The following MACROD2 variants were observed in gnomAD, a reference collection of about 807,000 sequenced individuals.
MACROD2 encodes mono-ADP ribosylhydrolase 2, also known as ADP-ribose glycohydrolase MACROD2.
Under a neutral mutation model 70.4 loss-of-function variants are expected in MACROD2, and 36 were observed. The ratio of observed to expected loss-of-function variants is 0.51; its 90% CI spans 0.39 to 0.68. The LOEUF is 0.68. MACROD2 is among the 30% of genes least tolerant of loss of function. MACROD2 has a pLI of 0.00. For missense variants in MACROD2, 496 were observed against 538.4 expected, an observed-to-expected ratio of 0.92 and a Z score of 0.78; for synonymous variants, 172 against 178.8, an observed-to-expected ratio of 0.96 and a Z score of 0.30.
chr20:14,584,197 G>A (rs1019013438), intron 4 of MACROD2, among the ~76,000 whole-genome samples: 2 of 152,032 alleles, frequency 1.3e-5, no homozygotes, highest in Non-Finnish European at 2.9e-5. Context: ...ACCCAGCAGC[G>A]TTTTGTTTAG....
chr20:14,093,075 A>T (rs1198246326), intron 3 of MACROD2, among the ~76,000 whole-genome samples: 2 of 151,698 alleles, frequency 1.3e-5, no homozygotes, highest in African/African-American at 4.8e-5. Context: ...TTTTAGTTTG[A>T]CTCTATTTTA....
At chr20:14,826,794 C>T (rs1214549308) in intron 5 of MACROD2, among the ~76,000 whole-genome samples, 1 of 152,040 alleles carries the variant, frequency 6.6e-6, no homozygotes, top group Non-Finnish European at 1.5e-5. Flanking sequence ...ACACAAGTTC[C>T]TACTGGTCTT....
intron 6 of MACROD2, among the ~76,000 whole-genome samples, chr20:15,421,369 ACTCTGT>A (rs146343591): frequency 0.31 from 46,907 of 151,674 alleles, 7,534 homozygotes; most frequent in African/African-American, 0.38. Flanking sequence ...ACAGAGTGAG[ACTCTGT>A]CTCAAAACCA....
intron 8 of MACROD2, among the ~76,000 whole-genome samples, chr20:15,579,386 A>G (rs1020944409): frequency 6.6e-6 from 1 of 152,210 alleles, no homozygotes; most frequent in Non-Finnish European, 1.5e-5. Context: ...TCAAGTGCTC[A>G]GAAGAACATC....
At chr20:14,376,855 A>G (rs1159422226) in intron 3 of MACROD2, among the ~76,000 whole-genome samples, 1 of 151,576 alleles carries the variant, frequency 6.6e-6, no homozygotes, top group East Asian at 1.9e-4. Flanking sequence ...TTCTCACATA[A>G]TAGCCATGTG....
chr20:15,979,497 G>A (rs1053805120), intron 13 of MACROD2, among the ~76,000 whole-genome samples: 18 of 152,076 alleles, frequency 1.2e-4, no homozygotes, highest in African/African-American at 4.3e-4. Context: ...CCTCTTTTAG[G>A]ACGAAGTAGA....
intron 8 of MACROD2, among the ~76,000 whole-genome samples, chr20:15,849,479 C>T (rs1434410377): frequency 3.3e-5 from 5 of 152,292 alleles, no homozygotes; most frequent in East Asian, 1.9e-4. Flanking sequence ...CCCGTTCCTT[C>T]GAGCATCGTG....
chr20:14,132,294 T>A lies in MACROD2; in HGVS notation c.271+46566T>A, dbSNP rs117939429. ...AACTGCTGGGCTCAAGCGATCCTCC[T>A]GCCTTGGCTTCCCAAAACATTGGGC... On this transcript the variant is annotated intron_variant, in intron 3 of 17. Coordinates refer to ENST00000684519, the MANE Select transcript of MACROD2 (RefSeq NM_001351661.2). 8.8e-3 allele frequency among the ~76,000 whole-genome samples: 1,335 copies of A among 152,238 alleles called. 17 individuals are homozygous for A. The highest frequency in any genetic ancestry group is 0.01 in the Middle Eastern group (3 of 294).
chr20:14,982,492 G>A (rs901890637), intron 5 of MACROD2, among the ~76,000 whole-genome samples: 4 of 152,116 alleles, frequency 2.6e-5, no homozygotes, highest in African/African-American at 9.7e-5. Flanking sequence ...AGGAAAAAAT[G>A]GTTTAATGGG....
chr20:14,036,286 C>T (rs2148636139), intron 2 of MACROD2, among the ~76,000 whole-genome samples: 1 of 152,238 alleles, frequency 6.6e-6, no homozygotes, highest in South Asian at 2.1e-4. Context: ...TAGTAGTCTC[C>T]CATTCCTAGC....
intron 5 of MACROD2, among the ~76,000 whole-genome samples, chr20:14,899,297 G>A (rs1055597433): frequency 6.6e-6 from 1 of 152,046 alleles, no homozygotes; most frequent in Non-Finnish European, 1.5e-5. Flanking sequence ...AGTTTGCCCG[G>A]GTTGCCATAA....
intron 6 of MACROD2, among the ~76,000 whole-genome samples, chr20:15,282,558 G>A (rs751018699): frequency 6.6e-5 from 10 of 152,114 alleles, no homozygotes; most frequent in South Asian, 2.1e-4. Flanking sequence ...TGGGGCAGAG[G>A]CAAAATGCAG....
At chr20:14,918,620 T>TG (rs1256097650) in intron 5 of MACROD2, among the ~76,000 whole-genome samples, 4 of 147,922 alleles carry the variant, frequency 2.7e-5, no homozygotes, top group African/African-American at 9.8e-5. Context: ...TTTTTTTGTT[T>TG]TTTTTTTTTT....
intron 6 of MACROD2, among the ~76,000 whole-genome samples, chr20:15,327,569 A>T (rs1028606991): frequency 2.6e-5 from 4 of 152,110 alleles, no homozygotes; most frequent in African/African-American, 9.7e-5. Flanking sequence ...AAACCCTCAG[A>T]TCTCACGAGA....
intron 3 of MACROD2, among the ~76,000 whole-genome samples, chr20:14,135,114 G>A (rs974247851): frequency 2.0e-5 from 3 of 152,026 alleles, no homozygotes; most frequent in East Asian, 1.9e-4. Flanking sequence ...CATTCTTCCT[G>A]TATCAAGAAA....
At chr20:14,975,524 G>C (rs554931017) in intron 5 of MACROD2, among the ~76,000 whole-genome samples, 1 of 152,194 alleles carries the variant, frequency 6.6e-6, no homozygotes, top group South Asian at 2.1e-4. Context: ...ATTTGCTTGA[G>C]GACAGAGAGA....
At chr20:14,559,594 T>C (rs1979288857) in intron 4 of MACROD2, among the ~76,000 whole-genome samples, 1 of 151,832 alleles carries the variant, frequency 6.6e-6, no homozygotes, top group Non-Finnish European at 1.5e-5. Flanking sequence ...TTCTACTTGT[T>C]CTCCCTCTAC....
chr20:14,759,056 T>A (rs1340631757), intron 5 of MACROD2, among the ~76,000 whole-genome samples: 1 of 152,160 alleles, frequency 6.6e-6, no homozygotes, highest in African/African-American at 2.4e-5. Flanking sequence ...TGCTTTCTGT[T>A]AAGCTGACTT....
At chr20:15,009,881 G>A (rs1389193269) in intron 5 of MACROD2, among the ~76,000 whole-genome samples, 1 of 150,924 alleles carries the variant, frequency 6.6e-6, no homozygotes, top group Non-Finnish European at 1.5e-5. Flanking sequence ...ATAGAAGCAA[G>A]TGCTTTTATT....
Sources: allele counts gnomAD v4.1 joint callset (sites outside exome capture counted in the v4.1 genomes callset), GRCh38; gene constraint gnomAD v4.1.1; transcripts MANE v1.5; gene names NCBI Gene and HGNC (gene_info 2026-07-23, HGNC 2026-07-21).